The following KAZN variants were observed in gnomAD, a reference collection of about 807,000 sequenced individuals.
KAZN encodes kazrin.
KAZN carries 40 observed loss-of-function variants against 87.4 expected under a neutral mutation model. That is an observed-to-expected ratio of 0.46 (90% CI 0.36 to 0.60). KAZN has a LOEUF of 0.60. KAZN is among the 20% of genes least tolerant of loss of function. The pLI is 0.00. For synonymous variants in KAZN, 466 were observed against 458.3 expected, an observed-to-expected ratio of 1.02 and a Z score of -0.22; for missense variants, 898 against 1,073.9, an observed-to-expected ratio of 0.84 and a Z score of 2.29.
intron 1 of KAZN, among the ~76,000 whole-genome samples, chr1:14,081,372 A>G (rs903691688): frequency 6.6e-6 from 1 of 152,054 alleles, no homozygotes; most frequent in East Asian, 1.9e-4. Context: ...CTTAAGGATG[A>G]GCTTGTTGCA....
At chr1:13,975,745 G>A (rs190931969) in intron 1 of KAZN, among the ~76,000 whole-genome samples, 1 of 152,294 alleles carries the variant, frequency 6.6e-6, no homozygotes, top group African/African-American at 2.4e-5. Flanking sequence ...TCGGGAACAC[G>A]AGTCACGTCA....
At chr1:13,923,142 C>T (rs556363004) in intron 1 of KAZN, among the ~76,000 whole-genome samples, 1 of 152,152 alleles carries the variant, frequency 6.6e-6, no homozygotes, top group Non-Finnish European at 1.5e-5. Context: ...TACCAATAGC[C>T]TACTGCTGAC....
At chr1:15,085,460 T>G (rs772486558) in intron 8 of KAZN, among the ~76,000 whole-genome samples, 1 of 152,198 alleles carries the variant, frequency 6.6e-6, no homozygotes, top group Non-Finnish European at 1.5e-5. Flanking sequence ...CCTGAGTAGC[T>G]GGGATTACAG....
intron 2 of KAZN, among the ~76,000 whole-genome samples, chr1:14,990,943 C>T (rs1460094438): frequency 6.6e-6 from 1 of 151,334 alleles, no homozygotes; most frequent in African/African-American, 2.4e-5. Flanking sequence ...CCAGGGAAAA[C>T]AGCAGGTGGG....
Position 14,324,777 on chromosome 1 carries a change from T to C in KAZN, c.249+144185T>C, listed in dbSNP as rs562576831. Among the ~76,000 whole-genome samples the C allele has an allele frequency of 7.2e-4, 109 of 152,328 alleles. 1 individual carries two copies. Among genetic ancestry groups the C allele is most frequent in the African/African-American group, 2.5e-3 (105 of 41,576 alleles). On this transcript the variant is annotated intron_variant, in intron 2 of 16. Transcript: ENST00000636203. ...TTTACCAGCAAAACCACATTTATTA[T>C]GTAATAATTTGTCCACTGAAAATAT...
intron 2 of KAZN, among the ~76,000 whole-genome samples, chr1:14,430,088 C>T (rs57153024): frequency 0.025 from 3,780 of 152,028 alleles, 189 homozygotes; most frequent in East Asian, 0.18. Flanking sequence ...GGAACACTTT[C>T]CCCCAAACGA....
intron 1 of KAZN, among the ~76,000 whole-genome samples, chr1:14,086,695 A>G (rs1643867412): frequency 6.6e-6 from 1 of 152,156 alleles, no homozygotes; most frequent in Admixed American, 6.6e-5. Context: ...TTTATAATTT[A>G]GCTTTTACAT....
intron 1 of KAZN, among the ~76,000 whole-genome samples, chr1:14,753,086 C>T (rs76729042): frequency 3.4e-4 from 52 of 152,258 alleles, no homozygotes; most frequent in African/African-American, 1.2e-3. Context: ...GTCAGCAAAT[C>T]GTGGTTGAGG....
chr1:14,267,416 T>C (rs942454479), intron 2 of KAZN, among the ~76,000 whole-genome samples: 6 of 151,746 alleles, frequency 4.0e-5, no homozygotes, highest in South Asian at 2.1e-4. Context: ...GTTTACAAAT[T>C]TGTGTTGGGC....
chr1:15,080,113 A>G (rs1291998771), intron 8 of KAZN, among the ~76,000 whole-genome samples: 1 of 152,082 alleles, frequency 6.6e-6, no homozygotes, highest in Non-Finnish European at 1.5e-5. Context: ...GTGTGGCAGG[A>G]GGGACTGAAG....
In KAZN at chr1:15,094,765, C is replaced by T. The variant is rs1248974269; in HGVS notation, c.1429-50C>T. 3 of 1,411,366 alleles carry T rather than the reference C, an allele frequency of 2.1e-6. No homozygotes were observed. The highest frequency in any genetic ancestry group is 2.9e-6 in the Non-Finnish European group (3 of 1,026,458). 87.4% of individuals were successfully genotyped at this position (1,411,366 alleles called of 1,614,324 possible). A position where few individuals can be genotyped will look rare whatever the true frequency, so the allele number is the denominator to read the frequency against. On this transcript the variant is annotated intron_variant, in intron 9 of 14. Transcript: ENST00000376030. The surrounding 1 kb of genome is among the most constrained non-coding windows in gnomAD (Gnocchi z 4.5). ...AACAGACCCCCTCTAGGGCAGGAACCCCGCCGGCAGCTGTCCCAGCCCCCA... is the reference window on the plus strand; with the variant it reads ...AACAGACCCCCTCTAGGGCAGGAACTCCGCCGGCAGCTGTCCCAGCCCCCA...
chr1:14,936,345 A>G (rs1179794922), intron 1 of KAZN, among the ~76,000 whole-genome samples: 6 of 152,336 alleles, frequency 3.9e-5, no homozygotes, highest in African/African-American at 1.4e-4. Context: ...AGTTGGTATC[A>G]TCGGTTGGTA....
intron 2 of KAZN, among the ~76,000 whole-genome samples, chr1:14,231,644 T>C (rs910355957): frequency 3.3e-5 from 5 of 152,180 alleles, no homozygotes; most frequent in Non-Finnish European, 4.4e-5. Context: ...CTTGAGGAAT[T>C]CCTCAACACT....
chr1:14,626,527 G>A (rs1029275569), intron 1 of KAZN, among the ~76,000 whole-genome samples: 4 of 152,136 alleles, frequency 2.6e-5, no homozygotes, highest in Admixed American at 2.6e-4. Context: ...CCCGGCTGGG[G>A]GTCTTAGCAT....
chr1:14,190,601 G>C (rs1646402675), intron 2 of KAZN, among the ~76,000 whole-genome samples: 1 of 152,272 alleles, frequency 6.6e-6, no homozygotes, highest in African/African-American at 2.4e-5. Context: ...GCAGTAAAAA[G>C]GGTGGGTCGC....
At chr1:14,449,839 G>T (rs1020683003) in intron 2 of KAZN, among the ~76,000 whole-genome samples, 1 of 152,112 alleles carries the variant, frequency 6.6e-6, no homozygotes, top group Non-Finnish European at 1.5e-5. Flanking sequence ...CTTCATCTCG[G>T]TTATTTCAAA....
chr1:14,558,711 G>A (rs967397269), intron 2 of KAZN, among the ~76,000 whole-genome samples: 2 of 152,146 alleles, frequency 1.3e-5, no homozygotes, highest in East Asian at 1.9e-4. Context: ...TCTGCCTCAC[G>A]CTGGGATGTA....
At chr1:14,591,418 A>AACACAC (rs36060158) in intron 2 of KAZN, among the ~76,000 whole-genome samples, 259 of 147,388 alleles carry the variant, frequency 1.8e-3, no homozygotes, top group African/African-American at 3.7e-3. Context: ...GGAAAGAAGA[A>AACACAC]ACACACACAC....
chr1:14,076,266 G>A (rs549449802), intron 1 of KAZN, among the ~76,000 whole-genome samples: 33 of 152,106 alleles, frequency 2.2e-4, no homozygotes, highest in African/African-American at 7.5e-4. Context: ...GGGTGACAGA[G>A]CGAGACTCCG....
Sources: allele counts gnomAD v4.1 joint callset (sites outside exome capture counted in the v4.1 genomes callset), GRCh38; gene constraint gnomAD v4.1.1; non-coding constraint Gnocchi (gnomAD v3.1); transcripts MANE v1.5; gene names NCBI Gene and HGNC (gene_info 2026-07-23, HGNC 2026-07-21).